The following SCAMP1 variants were observed in gnomAD, a reference collection of about 807,000 sequenced individuals.
The protein encoded by SCAMP1 is secretory carrier-associated membrane protein 1.
In SCAMP1, 15 loss-of-function variants were observed where a neutral mutation model predicts 41.8. That is an observed-to-expected ratio of 0.36 (90% CI 0.24 to 0.55). The LOEUF (loss-of-function observed/expected upper bound fraction) is 0.55, where lower values mean the gene tolerates loss of function less well. Ranked by LOEUF, SCAMP1 falls within the 20% of genes least tolerant of loss-of-function variation. SCAMP1 has a pLI of 0.86. For synonymous variants in SCAMP1, 135 were observed against 136.8 expected, an observed-to-expected ratio of 0.99 and a Z score of 0.09; for missense variants, 341 against 412.6, an observed-to-expected ratio of 0.83 and a Z score of 1.50.
intron 6 of SCAMP1, among the ~76,000 whole-genome samples, chr5:78,426,068 G>A (rs770514809): frequency 2.6e-5 from 4 of 151,898 alleles, no homozygotes; most frequent in Non-Finnish European, 5.9e-5. Context: ...TCCTGTGTTA[G>A]TCTGCTGAGA....
At chr5:78,425,967 C>T (rs890961029) in intron 6 of SCAMP1, among the ~76,000 whole-genome samples, 2 of 151,036 alleles carry the variant, frequency 1.3e-5, no homozygotes, top group African/African-American at 4.9e-5. Flanking sequence ...CCTGACAGGC[C>T]CTGGTTTGTG....
intron 6 of SCAMP1, among the ~76,000 whole-genome samples, chr5:78,441,699 G>T (rs1275757907): frequency 1.3e-5 from 2 of 152,134 alleles, no homozygotes; most frequent in Non-Finnish European, 2.9e-5. Flanking sequence ...ATGGTGGCAC[G>T]TGCCTGTAAT....
intron 2 of SCAMP1, among the ~76,000 whole-genome samples, chr5:78,392,996 G>A (rs1273341791): frequency 6.6e-6 from 1 of 152,170 alleles, no homozygotes; most frequent in Admixed American, 6.5e-5. Context: ...GCTACTTGAG[G>A]TCAAGAAGGA....
intron 8 of SCAMP1, among the ~76,000 whole-genome samples, chr5:78,472,810 T>C (rs997678391): frequency 2.0e-5 from 3 of 152,152 alleles, no homozygotes; most frequent in Admixed American, 1.3e-4. Context: ...CTGCTCAATT[T>C]AGTGCAAGTT....
rs139389491 is a variant in SCAMP1, at chr5:78,458,350, A to G, written c.735-895A>G. 4.4e-4 allele frequency among the ~76,000 whole-genome samples: 67 copies of G among 152,214 alleles called. 1 individual carries two copies. The highest frequency in any genetic ancestry group is 1.6e-3 in the African/African-American group (65 of 41,540). ...GTGGTTATTACTTTTTATTTTAGCC[A>G]TCCTAATAGGTGTGTAGTGATATCT... On this transcript the variant is annotated intron_variant, in intron 7 of 8. Coordinates refer to ENST00000621999, the MANE Select transcript of SCAMP1 (RefSeq NM_004866.6).
rs1338717128 is a variant in SCAMP1, at chr5:78,475,700, A to G, written c.*32A>G. ...TCAAACAATACACTGTTACCTTTTG[A>G]CTGTACCTTTTTCTCCAGTTACTGT... is the stretch of plus-strand genomic sequence containing the variant. On this transcript the variant is annotated 3_prime_UTR_variant, in exon 9 of 9. Transcript: ENST00000621999. 2 of 1,443,162 alleles carry G rather than the reference A, an allele frequency of 1.4e-6. No individual in the cohort carries two copies. The allele number at this position is 1,443,162 out of a possible 1,614,324, so 89.4% of individuals were successfully genotyped here.
intron 6 of SCAMP1, among the ~76,000 whole-genome samples, chr5:78,445,856 G>C (rs745697272): frequency 2.0e-5 from 3 of 152,206 alleles, no homozygotes; most frequent in Non-Finnish European, 4.4e-5. Flanking sequence ...AGGAAGATTT[G>C]TGCTCTCTTG....
chr5:78,420,895 A>G (rs1160952179), intron 5 of SCAMP1, among the ~76,000 whole-genome samples: 1 of 152,162 alleles, frequency 6.6e-6, no homozygotes, highest in African/African-American at 2.4e-5. Flanking sequence ...CCAGTTGTTA[A>G]TTTTAATTCA....
At chr5:78,404,888 G>T (rs1031851652) in intron 2 of SCAMP1, among the ~76,000 whole-genome samples, 1 of 152,180 alleles carries the variant, frequency 6.6e-6, no homozygotes, top group Admixed American at 6.5e-5. Flanking sequence ...ACAAAAGTGC[G>T]AGGGGACTCA....
chr5:78,435,925 G>T (rs1030119612), intron 6 of SCAMP1, among the ~76,000 whole-genome samples: 5 of 152,282 alleles, frequency 3.3e-5, no homozygotes, highest in African/African-American at 7.2e-5. Context: ...ATTCTAACTG[G>T]CGTGAGATGG....
At chr5:78,364,817 A>C (rs1433724509) in intron 1 of SCAMP1, among the ~76,000 whole-genome samples, 3 of 142,080 alleles carry the variant, frequency 2.1e-5, no homozygotes. Flanking sequence ...TCTCACTCAT[A>C]GGTGGGAATT....
chr5:78,398,834 C>T lies in SCAMP1; in HGVS notation c.135+9920C>T, dbSNP rs190242655. Among the ~76,000 whole-genome samples, 70 of 152,198 alleles carry T rather than the reference C, an allele frequency of 4.6e-4. 1 individual carries two copies. Among genetic ancestry groups the T allele is most frequent in the African/African-American group, 1.5e-3 (62 of 41,544 alleles). Reference sequence around the variant, plus strand: ...TGTTGGGATTACAGGCGTGAGCCACCGCGCATGGCCCCAGCGTTCATTCTT... The same window carrying T: ...TGTTGGGATTACAGGCGTGAGCCACTGCGCATGGCCCCAGCGTTCATTCTT... On this transcript the variant is annotated intron_variant, in intron 2 of 8. Transcript: ENST00000621999.
chr5:78,444,458 A>G (rs1753006408), intron 6 of SCAMP1, among the ~76,000 whole-genome samples: 1 of 152,206 alleles, frequency 6.6e-6, no homozygotes, highest in South Asian at 2.1e-4. Context: ...TTTCATGAGA[A>G]CAGCACAGGA....
chr5:78,469,891 A>G (rs867406678), intron 8 of SCAMP1, among the ~76,000 whole-genome samples: 1 of 23,158 alleles, frequency 4.3e-5, no homozygotes, highest in African/African-American at 5.3e-4. Flanking sequence ...ACAAGACATT[A>G]AAAAAAAAAA....
chr5:78,458,912 T>G (rs906523195), intron 7 of SCAMP1, among the ~76,000 whole-genome samples: 4 of 152,142 alleles, frequency 2.6e-5, no homozygotes, highest in East Asian at 1.9e-4. Context: ...TCAAAACTCA[T>G]AAGCTTAAAA....
intron 2 of SCAMP1, among the ~76,000 whole-genome samples, chr5:78,399,777 A>G (rs1419074954): frequency 6.6e-6 from 1 of 152,164 alleles, no homozygotes; most frequent in Non-Finnish European, 1.5e-5. Flanking sequence ...TGTCTTTTGC[A>G]GAGTGTTAAT....
intron 2 of SCAMP1, among the ~76,000 whole-genome samples, chr5:78,392,021 GAGAGAGGGAGAGGGAGACCGTGGAA>G (rs36217500): frequency 0.75 from 108,445 of 144,754 alleles, 41,157 homozygotes; most frequent in African/African-American, 0.81. Context: ...GGGAGAGGGA[GAGAGAGGGAGAGGGAGACCGTGGAA>G]AGAGAGGGAG....
chr5:78,363,739 C>A (rs1037328554), intron 1 of SCAMP1, among the ~76,000 whole-genome samples: 1 of 152,092 alleles, frequency 6.6e-6, no homozygotes, highest in African/African-American at 2.4e-5. Context: ...AGTCTATTCT[C>A]CTTATATAAT....
Position 78,398,546 on chromosome 5 carries a change from T to A in SCAMP1, c.135+9632T>A, listed in dbSNP as rs1232557124. On this transcript the variant is annotated intron_variant, in intron 2 of 8. Coordinates refer to ENST00000621999, the MANE Select transcript of SCAMP1 (RefSeq NM_004866.6). ...TTTCTGGCCCAAGGTTCACTATTTT[T>A]TTTTTTTTTTTTTTTTTTTTTTTGA... is the stretch of plus-strand genomic sequence containing the variant. Among the ~76,000 whole-genome samples, 21 of 60,438 alleles carry A rather than the reference T, an allele frequency of 3.5e-4. 2 individuals carry two copies. The highest frequency in any genetic ancestry group is 9.8e-4 in the African/African-American group (21 of 21,490). The allele number at this position is 60,438 out of a possible 152,430, so 39.6% of individuals were successfully genotyped here. A position where few individuals can be genotyped will look rare whatever the true frequency, so the allele number is the denominator to read the frequency against.
Sources: gnomAD v4.1 joint callset for allele counts (sites outside exome capture counted in the v4.1 genomes callset) on GRCh38, gnomAD v4.1.1 for gene constraint, MANE v1.5 for transcripts, NCBI Gene and HGNC (gene_info 2026-07-23, HGNC 2026-07-21) for gene names.